MX2: variants seen among roughly 807,000 people sequenced by gnomAD.
The protein encoded by MX2 is interferon-induced GTP-binding protein Mx2.
MX2 carries 51 observed loss-of-function variants against 74.0 expected under a neutral mutation model. The ratio of observed to expected loss-of-function variants is 0.69; its 90% CI spans 0.55 to 0.87. MX2 has a LOEUF of 0.87. Among genes scored for constraint, MX2 ranks in the 40% least tolerant of loss-of-function variants. The pLI is 0.00. For synonymous variants in MX2, 369 were observed against 339.3 expected (o/e 1.09, Z -0.96); for missense variants, 832 against 908.7 (o/e 0.92, Z 1.09).
chr21:41,383,685 C>T (rs1374130540), intron 5 of MX2, among the ~76,000 whole-genome samples: 1 of 152,182 alleles, frequency 6.6e-6, no homozygotes, highest in African/African-American at 2.4e-5. Context: ...CCCTAAGAGC[C>T]TCCTGGGTGG....
intron 5 of MX2, among the ~76,000 whole-genome samples, chr21:41,384,359 C>T (rs898277506): frequency 2.0e-5 from 3 of 152,346 alleles, no homozygotes; most frequent in Admixed American, 6.5e-5. Context: ...GGAGGATACA[C>T]ATGATTTGGT....
chr21:41,398,987 C>A lies in MX2; in HGVS notation c.1240C>A (p.Gln414Lys). Residue 414 changes from glutamine to lysine, a missense_variant, in exon 9 of 14, where the codon CAG (glutamine) becomes AAG (lysine). Physicochemically the swap from Gln to Lys is moderately conservative, Grantham distance 53. Coordinates refer to ENST00000330714, the MANE Select transcript of MX2 (RefSeq NM_002463.2). ...GCGTTGCGGGGCTGACATCCCCAGC[C>A]AGGAGGCCGACAAGATGTTCTTTCT... ...LRRCGADIPSQEADKMFFLIE... is the reference protein window; with the variant it reads ...LRRCGADIPSKEADKMFFLIE... The A allele has an allele frequency of 6.2e-7, 1 of 1,613,888 alleles. No individual in the cohort carries two copies. The highest frequency in any genetic ancestry group is 1.3e-5 in the African/African-American group (1 of 75,052).
At chr21:41,405,277 G>T (rs900417892) in intron 12 of MX2, among the ~76,000 whole-genome samples, 7 of 151,204 alleles carry the variant, frequency 4.6e-5, no homozygotes, top group African/African-American at 1.7e-4. Flanking sequence ...AAAAAAAAAA[G>T]AAAAAGAAAC....
At chr21:41,398,828 A>C in intron 8 of MX2, 69 bp from the exon 9 acceptor site, 1 of 1,576,596 alleles carries the variant, frequency 6.3e-7, no homozygotes, top group Non-Finnish European at 8.6e-7. Flanking sequence ...GCTCCTACTC[A>C]TATACCAAAG....
Position 41,382,516 on chromosome 21 carries a change from C to T in MX2, c.684C>T (p.Gly228=), listed in dbSNP as rs773086913. 1 of 1,614,216 alleles carries T rather than the reference C, an allele frequency of 6.2e-7. No homozygotes were observed. Among genetic ancestry groups the T allele is most frequent in the Non-Finnish European group, 8.5e-7 (1 of 1,180,050 alleles). ...VPDLTIIDLP[G]ITRVAVDNQP... ...ACCTGACCATCATTGACCTTCCCGG[C>T]ATCACCAGGGTGGCTGTGGACAACC... Residue 228 remains glycine (G), a synonymous_variant, in exon 5 of 14, where the codon GGC becomes GGT. Coordinates refer to ENST00000330714, the MANE Select transcript of MX2 (RefSeq NM_002463.2).
At chr21:41,400,665 A>G (rs2089799471) in intron 10 of MX2, among the ~76,000 whole-genome samples, 1 of 151,952 alleles carries the variant, frequency 6.6e-6, no homozygotes, top group African/African-American at 2.4e-5. Context: ...CTTCTTTCCA[A>G]GGTGGCAGGA....
At chr21:41,407,232 C>G (rs979167318) in intron 13 of MX2, among the ~76,000 whole-genome samples, 2 of 152,128 alleles carry the variant, frequency 1.3e-5, no homozygotes, top group African/African-American at 4.8e-5. Context: ...AGTGGTAGAG[C>G]GTGTACTCAA....
intron 12 of MX2, 89 bp from the exon 13 acceptor site, chr21:41,406,655 G>A (rs543227083): frequency 1.8e-5 from 24 of 1,320,084 alleles, no homozygotes; most frequent in Non-Finnish European, 2.5e-5. Flanking sequence ...TTTTATTTCT[G>A]AGTTCAACAT....
intron 6 of MX2, among the ~76,000 whole-genome samples, 172 bp from the exon 7 acceptor site, chr21:41,395,415 T>C (rs1204660549): frequency 1.3e-5 from 2 of 151,914 alleles, no homozygotes; most frequent in Non-Finnish European, 1.5e-5. Context: ...AGCGAGCCAA[T>C]AGAAATGCAA....
rs1286551601 is a variant in MX2 at position 41,390,716 on chromosome 21, A to T, written c.871+13A>T. The T allele has an allele frequency of 1.9e-6, 3 of 1,613,368 alleles. No homozygotes were observed. The highest frequency in any genetic ancestry group is 2.5e-6 in the Non-Finnish European group (3 of 1,179,576). On this transcript the variant is annotated intron_variant, in intron 6 of 13. Coordinates refer to ENST00000330714, the MANE Select transcript of MX2 (RefSeq NM_002463.2). ...GACAGGACCATCGGTAAGAGGAAAG[A>T]ACCAAGTGGCCGGGTGCGGTGGCTC...
chr21:41,402,048 A>G lies in MX2; in HGVS notation c.1493A>G (p.Tyr498Cys). ...RGKELLGFVN[Y>C]KTFEIIVHQY... ...AAGGAGCTTCTGGGATTTGTCAACT[A>G]CAAGACATTTGAGATCATCGTGCAT... is the stretch of plus-strand genomic sequence containing the variant. Residue 498 changes from tyrosine (Y) to cysteine (C), a missense_variant, in exon 11 of 14, where the codon TAC (tyrosine) becomes TGC (cysteine). By Grantham distance (194) the Tyr-to-Cys change is radical. Coordinates refer to ENST00000330714, the MANE Select transcript of MX2 (RefSeq NM_002463.2). This position sits in a 1 kb window ranked among gnomAD's most constrained non-coding sequence, Gnocchi z 4.5. 1 of 1,614,212 alleles carries G rather than the reference A, an allele frequency of 6.2e-7. No homozygotes were observed.
chr21:41,368,248 C>T lies in MX2; in HGVS notation c.-72+6193C>T, dbSNP rs958510080. ...CTGTCCATGTGTCACCCGGCTCTTC[C>T]GTGTCGTCTCCGTGAGCCTGCAGGG... On this transcript the variant is annotated intron_variant, in intron 1 of 13. Transcript: ENST00000330714. The surrounding 1 kb of genome is among the most constrained non-coding windows in gnomAD (Gnocchi z 4.6). Among the ~76,000 whole-genome samples, 6 of 152,218 alleles carry T rather than the reference C, an allele frequency of 3.9e-5. No individual in the cohort carries two copies. The highest frequency in any genetic ancestry group is 7.2e-5 in the African/African-American group (3 of 41,456).
intron 11 of MX2, 189 bp from the exon 12 acceptor site, chr21:41,403,078 G>T: frequency 1.8e-6 from 1 of 560,354 alleles, no homozygotes; most frequent in South Asian, 2.0e-5. Context: ...CTGCATGAGG[G>T]CTGGATTGTG....
At chr21:41,393,741 C>G (rs1020863015) in intron 6 of MX2, among the ~76,000 whole-genome samples, 2 of 152,194 alleles carry the variant, frequency 1.3e-5, no homozygotes, top group Non-Finnish European at 2.9e-5. Flanking sequence ...GTATCTCTAA[C>G]CCTGACCTTG....
rs1290731268 is a variant in MX2 at position 41,380,847 on chromosome 21, C to A, written c.577+696C>A. On this transcript the variant is annotated intron_variant, in intron 4 of 13. Coordinates refer to ENST00000330714, the MANE Select transcript of MX2 (RefSeq NM_002463.2). This position sits in a 1 kb window ranked among gnomAD's most constrained non-coding sequence, Gnocchi z 4.3. Reference sequence around the variant, plus strand: ...GCCCTGCCTGCCCCAGGCACTGGAGCCTCTCAACCTCCCTAAAGGCTTCTC... The same window carrying A: ...GCCCTGCCTGCCCCAGGCACTGGAGACTCTCAACCTCCCTAAAGGCTTCTC... Among the ~76,000 whole-genome samples, 4 of 152,212 alleles carry A rather than the reference C, an allele frequency of 2.6e-5. No individual in the cohort carries two copies. The East Asian group carries it at 7.7e-4, about 29-fold the overall frequency.
intron 1 of MX2, among the ~76,000 whole-genome samples, chr21:41,362,750 CTTTTTTTTT>C (rs56903696): frequency 4.9e-5 from 4 of 82,166 alleles, no homozygotes; most frequent in Admixed American, 1.5e-4. Flanking sequence ...GTTTTTTTTT[CTTTTTTTTT>C]TTTTTTTTTT....
chr21:41,395,247 C>T (rs982096744), intron 6 of MX2, among the ~76,000 whole-genome samples: 1 of 76,836 alleles, frequency 1.3e-5, no homozygotes, highest in Admixed American at 2.0e-4. Flanking sequence ...GGACTCCCCT[C>T]AGTAGGGAAC....
intron 1 of MX2, among the ~76,000 whole-genome samples, chr21:41,362,750 C>CTTTTTTTTTTT (rs56903696): frequency 1.2e-5 from 1 of 82,164 alleles, no homozygotes; most frequent in Non-Finnish European, 2.3e-5. Flanking sequence ...GTTTTTTTTT[C>CTTTTTTTTTTT]TTTTTTTTTT....
chr21:41,406,461 G>A (rs1188230701), intron 12 of MX2, among the ~76,000 whole-genome samples: 1 of 152,236 alleles, frequency 6.6e-6, no homozygotes, highest in Non-Finnish European at 1.5e-5. Context: ...TGTTCCTGTT[G>A]AAGGAGCAGA....
Sources: gnomAD v4.1 joint callset for allele counts (sites outside exome capture counted in the v4.1 genomes callset) on GRCh38, gnomAD v4.1.1 for gene constraint, Gnocchi (gnomAD v3.1) non-coding constraint, MANE v1.5 for transcripts, NCBI Gene and HGNC (gene_info 2026-07-23, HGNC 2026-07-21) for gene names.